The following PRKN variants were observed in gnomAD, a reference collection of about 807,000 sequenced individuals.
PRKN encodes E3 ubiquitin-protein ligase parkin.
Under a neutral mutation model 59.5 loss-of-function variants are expected in PRKN, and 56 were observed. The ratio of observed to expected loss-of-function variants is 0.94; its 90% confidence interval spans 0.76 to 1.18. The LOEUF (loss-of-function observed/expected upper bound fraction) is 1.18, where lower values mean the gene tolerates loss of function less well. Ranked by LOEUF, PRKN falls within the 50% of genes most tolerant of loss-of-function variation. The pLI, the probability that PRKN is intolerant of heterozygous loss-of-function variation, is 0.00. For missense variants in PRKN, 657 were observed against 596.4 expected (o/e 1.10, Z -1.06); for synonymous variants, 250 against 222.1 (o/e 1.13, Z -1.12).
Position 161,487,878 on chromosome 6 carries a change from T to TCC in PRKN, c.1083+60974_1083+60975dup, listed in dbSNP as rs759339682. 6.6e-6 allele frequency among the ~76,000 whole-genome samples: 1 copy of TCC among 151,216 alleles called. No homozygotes were observed. The highest frequency in any genetic ancestry group is 2.1e-4 in the South Asian group (1 of 4,740). On this transcript the variant is annotated intron_variant, in intron 9 of 11. Coordinates refer to ENST00000366898, the MANE Select transcript of PRKN (RefSeq NM_004562.3). The surrounding 1 kb of genome is among the most constrained non-coding windows in gnomAD (Gnocchi z 5.3). ...CTCCTTGCCTCCCTCCCTTCCCACC[T>TCC]CCCCCTACCTTCCTTCCTCTTTTTC... is the stretch of plus-strand genomic sequence containing the variant.
At chr6:161,491,101 G>A (rs774958804) in intron 9 of PRKN, among the ~76,000 whole-genome samples, 35 of 152,252 alleles carry the variant, frequency 2.3e-4, no homozygotes, top group South Asian at 8.3e-4. Context: ...ATAGCAGTGC[G>A]AGGATGAACT....
At chr6:161,739,264 C>T (rs1360028334) in intron 7 of PRKN, among the ~76,000 whole-genome samples, 2 of 152,028 alleles carry the variant, frequency 1.3e-5, no homozygotes, top group East Asian at 3.9e-4. Context: ...AAAAATTCAC[C>T]AGGTATGGTG....
intron 2 of PRKN, among the ~76,000 whole-genome samples, chr6:162,379,545 C>A (rs1786312916): frequency 6.6e-6 from 1 of 152,140 alleles, no homozygotes; most frequent in African/African-American, 2.4e-5. Flanking sequence ...CAGGGTCAGG[C>A]TAATCCCCTT....
intron 1 of PRKN, among the ~76,000 whole-genome samples, chr6:162,573,306 A>G (rs1780426911): frequency 6.6e-6 from 1 of 152,144 alleles, no homozygotes; most frequent in Non-Finnish European, 1.5e-5. Context: ...AAGCTCCCCA[A>G]GGAGGACACT....
intron 7 of PRKN, among the ~76,000 whole-genome samples, chr6:161,749,317 A>T (rs1788577032): frequency 6.6e-6 from 1 of 152,220 alleles, no homozygotes; most frequent in Non-Finnish European, 1.5e-5. Flanking sequence ...ATATACATGC[A>T]TGCATATATG....
intron 4 of PRKN, among the ~76,000 whole-genome samples, chr6:162,191,187 C>T (rs1461202949): frequency 6.6e-6 from 1 of 152,134 alleles, no homozygotes; most frequent in Non-Finnish European, 1.5e-5. Context: ...ATTGCCAACC[C>T]AACGTGCTTC....
chr6:162,283,936 T>G (rs943125971), intron 2 of PRKN, among the ~76,000 whole-genome samples: 1 of 152,182 alleles, frequency 6.6e-6, no homozygotes, highest in Non-Finnish European at 1.5e-5. Context: ...CTGAACAATA[T>G]TCTAAAATTT....
intron 2 of PRKN, among the ~76,000 whole-genome samples, chr6:162,339,948 T>G (rs1784091340): frequency 6.7e-6 from 1 of 148,418 alleles, no homozygotes; most frequent in Non-Finnish European, 1.5e-5. Context: ...AGCATGCTCG[T>G]TAAGAGTCAT....
chr6:162,695,910 C>T (rs1584065885), intron 1 of PRKN, among the ~76,000 whole-genome samples: 1 of 152,090 alleles, frequency 6.6e-6, no homozygotes, highest in South Asian at 2.1e-4. Flanking sequence ...TATTGGCTAA[C>T]CTCCTATTAA....
intron 7 of PRKN, among the ~76,000 whole-genome samples, chr6:161,779,761 A>G (rs1467418935): frequency 1.3e-5 from 2 of 151,652 alleles, no homozygotes; most frequent in African/African-American, 4.8e-5. Flanking sequence ...TTGATTTTCT[A>G]TTTCTATTTT....
chr6:162,657,877 G>A (rs184660580), intron 1 of PRKN, among the ~76,000 whole-genome samples: 8 of 152,262 alleles, frequency 5.3e-5, no homozygotes, highest in East Asian at 1.9e-4. Flanking sequence ...GAGGCTTGTT[G>A]GAGGCTTGTT....
intron 6 of PRKN, among the ~76,000 whole-genome samples, chr6:161,860,886 T>G (rs1207164719): frequency 6.6e-6 from 1 of 152,142 alleles, no homozygotes; most frequent in African/African-American, 2.4e-5. Flanking sequence ...TGAGATACCA[T>G]CTTACACCAG....
At chr6:162,440,331 T>C (rs1220967704) in intron 2 of PRKN, among the ~76,000 whole-genome samples, 3 of 152,180 alleles carry the variant, frequency 2.0e-5, no homozygotes, top group Admixed American at 1.3e-4. Flanking sequence ...GCCAGTTAAA[T>C]AGACAAACTC....
intron 1 of PRKN, among the ~76,000 whole-genome samples, chr6:162,616,535 C>A (rs1453848079): frequency 6.6e-6 from 1 of 152,108 alleles, no homozygotes; most frequent in African/African-American, 2.4e-5. Context: ...CAATGATACC[C>A]CCCCGTAATA....
At chr6:162,373,069 G>T (rs899405504) in intron 2 of PRKN, among the ~76,000 whole-genome samples, 1 of 152,198 alleles carries the variant, frequency 6.6e-6, no homozygotes, top group African/African-American at 2.4e-5. Context: ...CTCTTTGAGA[G>T]ACTAAGACAG....
intron 1 of PRKN, among the ~76,000 whole-genome samples, chr6:162,536,909 C>G (rs1230134122): frequency 6.6e-6 from 1 of 152,046 alleles, no homozygotes; most frequent in Non-Finnish European, 1.5e-5. Context: ...ATATGTAAGT[C>G]TATACATATA....
At chr6:161,571,857 A>T (rs1300735578) in intron 7 of PRKN, among the ~76,000 whole-genome samples, 1 of 152,186 alleles carries the variant, frequency 6.6e-6, no homozygotes, top group Admixed American at 6.5e-5. Context: ...GAGGGCCTGC[A>T]CAGAACAAGA....
At chr6:161,903,429 G>A (rs1169095503) in intron 6 of PRKN, among the ~76,000 whole-genome samples, 4 of 152,176 alleles carry the variant, frequency 2.6e-5, no homozygotes, top group Non-Finnish European at 4.4e-5. Flanking sequence ...CAAGGAGACA[G>A]AAGTCAAACT....
intron 1 of PRKN, among the ~76,000 whole-genome samples, chr6:162,697,449 A>C (rs977641421): frequency 4.6e-5 from 7 of 152,220 alleles, no homozygotes; most frequent in African/African-American, 1.4e-4. Flanking sequence ...TACTTTAGTA[A>C]AAAAAGCAAG....
Sources: gnomAD v4.1 joint callset for allele counts (sites outside exome capture counted in the v4.1 genomes callset) on GRCh38, gnomAD v4.1.1 for gene constraint, Gnocchi (gnomAD v3.1) non-coding constraint, MANE v1.5 for transcripts, NCBI Gene and HGNC (gene_info 2026-07-23, HGNC 2026-07-21) for gene names.